Variants in RPGRIP1 observed in about 807,000 individuals in gnomAD.
RPGRIP1 encodes the protein X-linked retinitis pigmentosa GTPase regulator-interacting protein 1.
In RPGRIP1, 128 loss-of-function variants were observed where a neutral mutation model predicts 157.9. The ratio of observed to expected loss-of-function variants is 0.81; its 90% CI spans 0.70 to 0.94. RPGRIP1 has a LOEUF of 0.94. RPGRIP1 is among the 40% of genes least tolerant of loss of function. The probability of loss-of-function intolerance (pLI) is 0.00; values close to 1 mark genes in which losing one functional copy is unlikely to be tolerated. For missense variants in RPGRIP1, 1,486 were observed against 1,545.8 expected, an observed-to-expected ratio of 0.96 and a Z score of 0.65; for synonymous variants, 554 against 571.6, an observed-to-expected ratio of 0.97 and a Z score of 0.44.
At chr14:21,289,053 C>T (rs112948435) in intron 2 of RPGRIP1, among the ~76,000 whole-genome samples, 20,640 of 152,014 alleles carry the variant, frequency 0.14, 1,843 homozygotes, top group Middle Eastern at 0.27. Flanking sequence ...TAGGGCTGGG[C>T]GCAGTGGCTC....
intron 20 of RPGRIP1, among the ~76,000 whole-genome samples, chr14:21,330,602 G>A (rs1466839889): frequency 6.6e-6 from 1 of 151,962 alleles, no homozygotes; most frequent in South Asian, 2.1e-4. Context: ...GGAGGAGGAG[G>A]TTGCAGTGAG....
rs113395587 is a variant in RPGRIP1, at chr14:21,281,803, A to C, written c.-39+1644A>C. On this transcript the variant is annotated intron_variant, in intron 1 of 24. Transcript: ENST00000400017. ...CCAGTGATACAGAGTGTAAAAAAGAAAAAAAAGAAGTCTGGGCAGGGTGGC... is the reference window on the plus strand; with the variant it reads ...CCAGTGATACAGAGTGTAAAAAAGACAAAAAAGAAGTCTGGGCAGGGTGGC... Among the ~76,000 whole-genome samples, 793 of 148,210 alleles carry C rather than the reference A, an allele frequency of 5.4e-3. 7 individuals are homozygous for C. Among genetic ancestry groups the C allele is most frequent in the African/African-American group, 0.02 (766 of 39,214 alleles).
chr14:21,344,950 A>G (rs1301656990), intron 22 of RPGRIP1, among the ~76,000 whole-genome samples, 163 bp from the exon 23 acceptor site: 1 of 152,200 alleles, frequency 6.6e-6, no homozygotes, highest in African/African-American at 2.4e-5. Flanking sequence ...ACACACACAC[A>G]CACACAAATG....
At position 21,327,610 on chromosome 14, in the gene RPGRIP1, GT is replaced by G; in HGVS notation, c.2711-10del. On this transcript the variant is annotated splice_polypyrimidine_tract_variant and intron_variant, in intron 17 of 24. Transcript: ENST00000400017. The stretch of plus-strand genomic sequence containing the variant: ...ATGTGATCAGGTCTTATTAATATCT[GT>G]TTGTTTCTCAGGTGATTTTAACCTC... 6.2e-7 allele frequency: 1 copy of G among 1,612,452 alleles called. No homozygotes were observed. The highest frequency in any genetic ancestry group is 1.1e-5 in the South Asian group (1 of 91,054).
intron 22 of RPGRIP1, 109 bp downstream of exon 22, chr14:21,343,337 TTATTTTATTGTTC>T: frequency 3.6e-6 from 3 of 824,674 alleles, no homozygotes; most frequent in Non-Finnish European, 3.8e-6. Flanking sequence ...TTTCACTTTA[TTATTTTATTGTTC>T]AAAGTGTTGT....
chr14:21,305,509 T>G (rs1411575681), intron 6 of RPGRIP1, among the ~76,000 whole-genome samples: 2 of 152,236 alleles, frequency 1.3e-5, no homozygotes, highest in Non-Finnish European at 2.9e-5. Context: ...AAGCTGCTAT[T>G]AACATTATGT....
rs1882502771 is a variant in RPGRIP1, at chr14:21,321,780, C to T, written c.1612-74C>T. The T allele has an allele frequency of 7.6e-6, 11 of 1,443,604 alleles. No individual in the cohort carries two copies. The South Asian group carries it at 1.1e-4, about 14-fold the overall frequency. The allele number at this position is 1,443,604 out of a possible 1,614,324, so 89.4% of individuals were successfully genotyped here. A position where few individuals can be genotyped will look rare whatever the true frequency, so the allele number is the denominator to read the frequency against. On this transcript the variant is annotated intron_variant, in intron 13 of 24. Coordinates refer to ENST00000400017, the MANE Select transcript of RPGRIP1 (RefSeq NM_020366.4). ...AAGGATAGCAGTCTTCTTGACCTAG[C>T]CAGTGCCACATTTTTTATGCTCTTT...
At chr14:21,326,693 A>G (rs1435020366) in intron 17 of RPGRIP1, among the ~76,000 whole-genome samples, 2 of 152,016 alleles carry the variant, frequency 1.3e-5, no homozygotes, top group African/African-American at 2.4e-5. Context: ...CAAGCTCTGT[A>G]ATGCTGTCTA....
In RPGRIP1 at chr14:21,317,495, A is replaced by G. The variant is rs917015638; in HGVS notation, c.1152-201A>G. 7 of 1,330,864 alleles carry G rather than the reference A, an allele frequency of 5.3e-6. No individual in the cohort carries two copies. The East Asian group carries it at 1.3e-4, about 24-fold the overall frequency. The allele number at this position is 1,330,864 out of a possible 1,614,324, so 82.4% of individuals were successfully genotyped here. A position where few individuals can be genotyped will look rare whatever the true frequency, so the allele number is the denominator to read the frequency against. On this transcript the variant is annotated intron_variant, in intron 10 of 24. Transcript: ENST00000400017. ...TCAGATATCTGAGACCTAAACAGAA[A>G]TGGTACTGAGCAATAACTCAGTAGG... is the stretch of plus-strand genomic sequence containing the variant.
chr14:21,285,721 A>G (rs1330122950), intron 1 of RPGRIP1, among the ~76,000 whole-genome samples: 2 of 151,874 alleles, frequency 1.3e-5, no homozygotes, highest in Non-Finnish European at 2.9e-5. Flanking sequence ...TTGGAGGAAT[A>G]AGAAGCGGAT....
At chr14:21,345,326 TC>T (rs1313914737) in intron 23 of RPGRIP1, 129 bp downstream of exon 23, 1 of 623,770 alleles carries the variant, frequency 1.6e-6, no homozygotes, top group Non-Finnish European at 2.8e-6. Context: ...TTAATGAATT[TC>T]CTATGTACTT....
intron 1 of RPGRIP1, among the ~76,000 whole-genome samples, chr14:21,280,986 T>G (rs933716506): frequency 6.6e-6 from 1 of 152,024 alleles, no homozygotes; most frequent in African/African-American, 2.4e-5. Flanking sequence ...GAAATATATA[T>G]ATAGAGAGAG....
Position 21,350,972 on chromosome 14 carries a change from T to C in RPGRIP1, c.3749-132T>C, listed in dbSNP as rs914928911. ...CTATACACTATACCATTTTCCTTTC[T>C]CCTTCACTAGATTGAGTCCTCTTAT... On this transcript the variant is annotated intron_variant, in intron 24 of 24. Coordinates refer to ENST00000400017, the MANE Select transcript of RPGRIP1 (RefSeq NM_020366.4). 5 of 581,680 alleles carry C rather than the reference T, an allele frequency of 8.6e-6. No homozygotes were observed. In the African/African-American group the frequency reaches 9.5e-5, roughly 11 times the overall value. The allele number at this position is 581,680 out of a possible 1,614,324, so 36.0% of individuals were successfully genotyped here.
At chr14:21,323,777 C>T (rs1184018341) in intron 14 of RPGRIP1, 6 of 145,856 alleles carry the variant, frequency 4.1e-5, no homozygotes, top group Non-Finnish European at 6.1e-5. Context: ...AGAAAGTAGT[C>T]TCCTTATTCG....
chr14:21,333,824 A>G (rs1056052493), intron 20 of RPGRIP1, among the ~76,000 whole-genome samples: 1 of 152,032 alleles, frequency 6.6e-6, no homozygotes, highest in Non-Finnish European at 1.5e-5. Context: ...CCTTAATTGA[A>G]GGGGAGGGGA....
chr14:21,303,623 C>G (rs1216052348), intron 6 of RPGRIP1, 80 bp downstream of exon 6: 2 of 1,059,984 alleles, frequency 1.9e-6, no homozygotes, highest in East Asian at 4.8e-5. Flanking sequence ...TTTCCTCCAT[C>G]TCAGAGGAAA....
chr14:21,281,697 AAAAAAT>A (rs1880130741), intron 1 of RPGRIP1, among the ~76,000 whole-genome samples: 2 of 117,944 alleles, frequency 1.7e-5, no homozygotes, highest in African/African-American at 6.8e-5. Context: ...TCAAAAAAAA[AAAAAAT>A]AAATAATAAT....
At chr14:21,324,315 A>G (rs1436841241) in intron 14 of RPGRIP1, 5 of 442,764 alleles carry the variant, frequency 1.1e-5, no homozygotes, top group Non-Finnish European at 2.1e-5. Flanking sequence ...GCCACGATGT[A>G]CACCAAAACA....
intron 22 of RPGRIP1, among the ~76,000 whole-genome samples, chr14:21,343,923 C>T (rs1885304569): frequency 1.2e-5 from 1 of 80,680 alleles, no homozygotes; most frequent in Admixed American, 1.9e-4. Flanking sequence ...GGAGTCTGAA[C>T]ATGTTGCTCA....
Sources: gnomAD v4.1 joint callset for allele counts (sites outside exome capture counted in the v4.1 genomes callset) on GRCh38, gnomAD v4.1.1 for gene constraint, MANE v1.5 for transcripts, NCBI Gene and HGNC (gene_info 2026-07-23, HGNC 2026-07-21) for gene names.